Variants in CFHR3 observed in about 807,000 individuals in gnomAD.
CFHR3 encodes complement factor H related 3.
A neutral mutation model predicts 36.0 loss-of-function variants in CFHR3; 22 were observed. The observed-to-expected ratio is 0.61, with a 90% CI of 0.44 to 0.87. CFHR3 has a LOEUF of 0.87. CFHR3 is among the 40% of genes least tolerant of loss of function. The pLI is 0.00. For synonymous variants in CFHR3, 97 were observed against 137.4 expected (o/e 0.71, Z 2.06); for missense variants, 276 against 401.3 (o/e 0.69, Z 2.67).
Position 196,790,703 on chromosome 1 carries a change from G to A in CFHR3, c.796+476G>A, listed in dbSNP as rs1337883502. 1.1e-4 allele frequency among the ~76,000 whole-genome samples: 14 copies of A among 131,400 alleles called. 4 individuals carry two copies. The highest frequency in any genetic ancestry group is 6.0e-4 in the East Asian group (3 of 5,040). The allele number at this position is 131,400 out of a possible 152,430, so 86.2% of individuals were successfully genotyped here. The stretch of plus-strand genomic sequence containing the variant: ...TGCACCATTGCCCTCCAGCCTGGGC[G>A]ACAGAGGGAGACCCCATCTCCAAAA... On this transcript the variant is annotated intron_variant, in intron 5 of 5. Transcript: ENST00000367425.
chr1:196,779,361 G>A lies in CFHR3; in HGVS notation c.253+5G>A. The A allele has an allele frequency of 6.8e-7, 1 of 1,477,126 alleles. No homozygotes were observed. The highest frequency in any genetic ancestry group is 2.2e-5 in the East Asian group (1 of 44,494). 91.5% of individuals were successfully genotyped at this position (1,477,126 alleles called of 1,614,324 possible). A position where few individuals can be genotyped will look rare whatever the true frequency, so the allele number is the denominator to read the frequency against. ...CACCAGCAGTACCATGTCTCAGTAA[G>A]TAATCCTCTGAACTGCTACACATGT... On this transcript the variant is annotated splice_donor_5th_base_variant and intron_variant, in intron 2 of 5. Transcript: ENST00000367425.
chr1:196,792,411 T>C (rs58676078), intron 5 of CFHR3, among the ~76,000 whole-genome samples: 2,891 of 110,718 alleles, frequency 0.026, 1,117 homozygotes, highest in African/African-American at 0.13. Context: ...CTGACATTTT[T>C]ATCATGTAAG....
At chr1:196,777,852 C>T (rs1465719756) in intron 1 of CFHR3, among the ~76,000 whole-genome samples, 1 of 131,142 alleles carries the variant, frequency 7.6e-6, no homozygotes, top group African/African-American at 3.3e-5. Flanking sequence ...GCCGGAGTGG[C>T]GGCACACACC....
At chr1:196,775,038 A>C (rs1423374050) in intron 1 of CFHR3, 94 bp downstream of exon 1, 4 of 1,107,494 alleles carry the variant, frequency 3.6e-6, no homozygotes, top group Non-Finnish European at 5.3e-6. Flanking sequence ...TTTATGAATC[A>C]AAGAGGATTT....
In CFHR3 at chr1:196,792,036, T is replaced by C. The variant is rs1198719209; in HGVS notation, c.797-1281T>C. On this transcript the variant is annotated intron_variant, in intron 5 of 5. Transcript: ENST00000367425. ...AGGCAACCTTATGGAAAAGATTACA[T>C]ATACATATGGCATATTAAAGCAATG... Among the ~76,000 whole-genome samples, 2 of 132,844 alleles carry C rather than the reference T, an allele frequency of 1.5e-5. 1 individual carries two copies. Among genetic ancestry groups the C allele is most frequent in the African/African-American group, 6.6e-5 (2 of 30,516 alleles). 87.2% of individuals were successfully genotyped at this position (132,844 alleles called of 152,430 possible).
At chr1:196,792,198 T>C (rs1654450529) in intron 5 of CFHR3, among the ~76,000 whole-genome samples, 1 of 115,748 alleles carries the variant, frequency 8.6e-6, no homozygotes, top group South Asian at 2.9e-4. Context: ...TTAAAATTTT[T>C]TGGATTTCAA....
chr1:196,779,045 TGGTTG>T, intron 1 of CFHR3, 112 bp from the exon 2 acceptor site: 1 of 816,796 alleles, frequency 1.2e-6, no homozygotes, highest in Non-Finnish European at 1.9e-6. Context: ...AAACTAGTTA[TGGTTG>T]CTGTAATTCC....
At chr1:196,784,165 A>G (rs1654088082) in intron 3 of CFHR3, among the ~76,000 whole-genome samples, 1 of 136,168 alleles carries the variant, frequency 7.3e-6, no homozygotes, top group South Asian at 2.6e-4. Flanking sequence ...GTGGTCTGAG[A>G]GACAGTTTGT....
chr1:196,789,625 A>T, intron 4 of CFHR3: 1 of 1,399,998 alleles, frequency 7.1e-7, no homozygotes, highest in Non-Finnish European at 9.5e-7. Context: ...TAAATTCACA[A>T]ATTTAAAAGC....
chr1:196,786,242 G>C (rs894244920), intron 3 of CFHR3, among the ~76,000 whole-genome samples: 1 of 136,124 alleles, frequency 7.3e-6, no homozygotes, highest in Non-Finnish European at 1.6e-5. Context: ...TAGGCTGCTC[G>C]GGGGTTGGGG....
chr1:196,785,361 A>G (rs1654153510), intron 3 of CFHR3, among the ~76,000 whole-genome samples: 1 of 133,836 alleles, frequency 7.5e-6, no homozygotes, highest in Non-Finnish European at 1.6e-5. Flanking sequence ...GCCTTGCTAG[A>G]TTGGGGAAGT....
chr1:196,776,969 C>T (rs1183880468), intron 1 of CFHR3, among the ~76,000 whole-genome samples: 2 of 134,318 alleles, frequency 1.5e-5, no homozygotes, highest in African/African-American at 6.3e-5. Flanking sequence ...TATCTGTATT[C>T]ATCTATATTC....
chr1:196,785,866 G>A (rs1654176567), intron 3 of CFHR3, among the ~76,000 whole-genome samples: 2 of 136,996 alleles, frequency 1.5e-5, no homozygotes, highest in Admixed American at 7.0e-5. Context: ...TCCTTTGGAG[G>A]AGGAGAGGTG....
chr1:196,775,204 A>T (rs1397481249), intron 1 of CFHR3, among the ~76,000 whole-genome samples: 1 of 136,990 alleles, frequency 7.3e-6, no homozygotes, highest in Non-Finnish European at 1.6e-5. Flanking sequence ...TTGATTATGG[A>T]GATATGTGAA....
intron 5 of CFHR3, among the ~76,000 whole-genome samples, chr1:196,791,783 A>C (rs1276508117): frequency 2.2e-5 from 3 of 135,190 alleles, no homozygotes; most frequent in African/African-American, 9.5e-5. Context: ...TTCATAGAAA[A>C]GTGTTAGGTT....
Position 196,782,700 on chromosome 1 carries a change from T to G in CFHR3, c.430+2727T>G, listed in dbSNP as rs1433617391. 5.1e-5 allele frequency among the ~76,000 whole-genome samples: 7 copies of G among 137,260 alleles called. 1 individual carries two copies. Among genetic ancestry groups the G allele is most frequent in the Non-Finnish European group, 1.1e-4 (7 of 64,670 alleles). 90.0% of individuals were successfully genotyped at this position (137,260 alleles called of 152,430 possible). ...GTTGCTAATCAGCTTTAGGAGATTT[T>G]GGGCTGAGACAATGGGGTTTTCTAG... On this transcript the variant is annotated intron_variant, in intron 3 of 5. Transcript: ENST00000367425.
Position 196,779,011 on chromosome 1 carries a change from T to C in CFHR3, c.59-151T>C, listed in dbSNP as rs1360786662. 6.5e-6 allele frequency: 4 copies of C among 619,062 alleles called. 1 individual carries two copies. The highest frequency in any genetic ancestry group is 1.1e-5 in the Non-Finnish European group (4 of 368,890). 38.3% of individuals were successfully genotyped at this position (619,062 alleles called of 1,614,324 possible). On this transcript the variant is annotated intron_variant, in intron 1 of 5. Transcript: ENST00000367425. ...AATTTATACCCAGGAAAACAGATTATACAGATGAGAGGTCAGGATCAGGAA... is the reference window on the plus strand; with the variant it reads ...AATTTATACCCAGGAAAACAGATTACACAGATGAGAGGTCAGGATCAGGAA...
chr1:196,781,183 T>G (rs551422135), intron 3 of CFHR3, among the ~76,000 whole-genome samples: 1 of 135,406 alleles, frequency 7.4e-6, no homozygotes, highest in Non-Finnish European at 1.6e-5. Context: ...TGCCACATTT[T>G]CTTAATCCAG....
Position 196,774,890 on chromosome 1 carries a change from T to C in CFHR3, c.4T>C (p.Leu2=), listed in dbSNP as rs1653651593. Residue 2 remains leucine (L), a synonymous_variant, in exon 1 of 6, where the codon TTG becomes CTG. Transcript: ENST00000367425. M[L]LLINVILTLW... is the part of the protein sequence containing the mutation. ...CATACTACTGAGAATATCTAACATG[T>C]TGTTACTAATCAATGTCATTCTGAC... 2 of 1,527,042 alleles carry C rather than the reference T, an allele frequency of 1.3e-6. No individual in the cohort carries two copies. Among genetic ancestry groups the C allele is most frequent in the Non-Finnish European group, 8.9e-7 (1 of 1,128,230 alleles). The allele number at this position is 1,527,042 out of a possible 1,614,324, so 94.6% of individuals were successfully genotyped here. A position where few individuals can be genotyped will look rare whatever the true frequency, so the allele number is the denominator to read the frequency against.
Sources: allele counts gnomAD v4.1 joint callset (sites outside exome capture counted in the v4.1 genomes callset), GRCh38; gene constraint gnomAD v4.1.1; transcripts MANE v1.5; gene names NCBI Gene and HGNC (gene_info 2026-07-23, HGNC 2026-07-21).